CWH43: variants seen among roughly 807,000 people sequenced by gnomAD.
CWH43 encodes cell wall biogenesis 43 C-terminal homolog.
In CWH43, 91 loss-of-function variants were observed where a neutral mutation model predicts 85.7. That is an observed-to-expected ratio of 1.06 (90% CI 0.90 to 1.26). CWH43 has a LOEUF of 1.26. CWH43 is among the 50% of genes most tolerant of loss of function. The probability of loss-of-function intolerance (pLI) is 0.00; values close to 1 mark genes in which losing one functional copy is unlikely to be tolerated. For missense variants in CWH43, 869 were observed against 839.2 expected, an observed-to-expected ratio of 1.04 and a Z score of -0.44; for synonymous variants, 323 against 293.6, an observed-to-expected ratio of 1.10 and a Z score of -1.02.
chr4:49,001,597 A>C (rs2109757749), intron 6 of CWH43, among the ~76,000 whole-genome samples: 2 of 152,224 alleles, frequency 1.3e-5, no homozygotes, highest in East Asian at 3.9e-4. Flanking sequence ...CACTAAGGGG[A>C]ACAAATGGGT....
chr4:49,023,054 T>C (rs1783800956), intron 9 of CWH43, among the ~76,000 whole-genome samples: 1 of 152,196 alleles, frequency 6.6e-6, no homozygotes, highest in Non-Finnish European at 1.5e-5. Context: ...CTCTGATTTT[T>C]ATTATTTCTT....
chr4:49,020,416 C>CACACACACACACACACACACACACACAT (rs140534523), intron 9 of CWH43, among the ~76,000 whole-genome samples: 1 of 128,340 alleles, frequency 7.8e-6, no homozygotes, highest in Non-Finnish European at 1.7e-5. Context: ...CACACACACA[C>CACACACACACACACACACACACACACAT]ATATATATAT....
chr4:49,044,123 A>G (rs1577704726), intron 13 of CWH43, among the ~76,000 whole-genome samples: 1 of 152,304 alleles, frequency 6.6e-6, no homozygotes, highest in African/African-American at 2.4e-5. Context: ...TTCAGAATAA[A>G]CACCTCATAT....
At chr4:48,990,468 C>G (rs1455176950) in intron 2 of CWH43, among the ~76,000 whole-genome samples, 1 of 152,118 alleles carries the variant, frequency 6.6e-6, no homozygotes, top group African/African-American at 2.4e-5. Flanking sequence ...CTGAGATATT[C>G]TTATATAAAT....
At chr4:49,051,484 T>A (rs2109841186) in intron 15 of CWH43, among the ~76,000 whole-genome samples, 1 of 152,338 alleles carries the variant, frequency 6.6e-6, no homozygotes, top group Admixed American at 6.5e-5. Context: ...ATTTAAAAAA[T>A]TATTTCCAGG....
Position 48,998,136 on chromosome 4 carries a change from G to C in CWH43, c.714-324G>C, listed in dbSNP as rs112981164. 1.6e-3 allele frequency among the ~76,000 whole-genome samples: 246 copies of C among 152,306 alleles called. 4 individuals are homozygous for C. The highest frequency in any genetic ancestry group is 5.6e-3 in the African/African-American group (233 of 41,578). On this transcript the variant is annotated intron_variant, in intron 5 of 15. Transcript: ENST00000226432. ...CAAACTAAATAGAAACCATTCCAAT[G>C]ACCTTTGCTTTTTGTTCTTGGCAGA... is the stretch of plus-strand genomic sequence containing the variant.
Position 49,017,307 on chromosome 4 carries a change from T to C in CWH43, c.1245T>C (p.Tyr415=), listed in dbSNP as rs990549319. 6 of 1,611,712 alleles carry C rather than the reference T, an allele frequency of 3.7e-6. No individual in the cohort carries two copies. Among genetic ancestry groups the C allele is most frequent in the Non-Finnish European group, 5.1e-6 (6 of 1,178,522 alleles). Residue 415 remains tyrosine, a synonymous_variant, in exon 9 of 16, where the codon TAT becomes TAC. Coordinates refer to ENST00000226432, the MANE Select transcript of CWH43 (RefSeq NM_025087.3). The stretch of plus-strand genomic sequence containing the variant: ...GATTAGGACTACGGCATAAAGCCTA[T>C]GAGAGAAAACTGGGCAAAGTGGTAA... ...LLGLGLRHKA[Y]ERKLGKVAPT...
chr4:48,988,650 C>T lies in CWH43; in HGVS notation c.217C>T (p.Leu73=). ...LVNKKWMLTL[L]RIITIGSIAS... ...TAACAAGAAGTGGATGCTAACCCTG[C>T]TGAGGATAATCACTATTGGTAAGAT... The change falls in exon 2 of 16, where the codon CTG becomes TTG. Residue 73 remains leucine, a synonymous_variant. Transcript: ENST00000226432. 2 of 1,604,962 alleles carry T rather than the reference C, an allele frequency of 1.2e-6. No homozygotes were observed. Among genetic ancestry groups the T allele is most frequent in the Non-Finnish European group, 1.7e-6 (2 of 1,175,882 alleles).
At chr4:48,986,690 C>G (rs1782505932) in intron 1 of CWH43, 1 of 1,341,154 alleles carries the variant, frequency 7.5e-7, no homozygotes, top group African/African-American at 1.5e-5. Context: ...TGCGAGGCGC[C>G]CGCGAGAGAC....
chr4:49,026,276 A>G (rs1458181444), intron 9 of CWH43, among the ~76,000 whole-genome samples: 1 of 152,200 alleles, frequency 6.6e-6, no homozygotes, highest in Non-Finnish European at 1.5e-5. Flanking sequence ...CCAGGCTACA[A>G]GCCTCCCAGC....
intron 8 of CWH43, among the ~76,000 whole-genome samples, chr4:49,013,388 A>G (rs185097389): frequency 2.0e-4 from 31 of 152,334 alleles, no homozygotes; most frequent in African/African-American, 7.0e-4. Flanking sequence ...TTTTCCAGGT[A>G]CAGTCTGTCA....
intron 13 of CWH43, 133 bp from the exon 14 acceptor site, chr4:49,044,653 A>G (rs1263574041): frequency 6.3e-6 from 4 of 630,374 alleles, no homozygotes; most frequent in Non-Finnish European, 1.1e-5. Context: ...ACCAAAAAAG[A>G]TCAGTAGGAG....
intron 8 of CWH43, among the ~76,000 whole-genome samples, chr4:49,015,848 T>G (rs1471217285): frequency 1.3e-5 from 2 of 152,194 alleles, no homozygotes; most frequent in Non-Finnish European, 2.9e-5. Flanking sequence ...AGAACTCTAT[T>G]TGATTTCTTT....
At chr4:49,000,294 A>G (rs1298937358) in intron 6 of CWH43, among the ~76,000 whole-genome samples, 3 of 152,182 alleles carry the variant, frequency 2.0e-5, no homozygotes, top group African/African-American at 7.2e-5. Context: ...TAATCCAGAT[A>G]CGTGGCTAAA....
chr4:49,006,167 G>T (rs555370919), intron 7 of CWH43, among the ~76,000 whole-genome samples: 10 of 151,994 alleles, frequency 6.6e-5, no homozygotes, highest in African/African-American at 2.2e-4. Flanking sequence ...ATACCAGCTT[G>T]CTTAGGGATC....
intron 6 of CWH43, among the ~76,000 whole-genome samples, chr4:49,002,458 C>T (rs1345679868): frequency 6.6e-6 from 1 of 152,114 alleles, no homozygotes; most frequent in Non-Finnish European, 1.5e-5. Flanking sequence ...ATATGTGGTA[C>T]AATTCCATTT....
intron 13 of CWH43, 128 bp from the exon 14 acceptor site, chr4:49,044,658 T>C (rs533259984): frequency 1.5e-6 from 1 of 659,022 alleles, no homozygotes; most frequent in Admixed American, 2.8e-5. Context: ...AAAAGATCAG[T>C]AGGAGCCAGG....
chr4:49,036,317 T>C (rs1784261385), intron 12 of CWH43, among the ~76,000 whole-genome samples: 1 of 152,192 alleles, frequency 6.6e-6, no homozygotes, highest in Admixed American at 6.6e-5. Context: ...AGGATGAATG[T>C]GGGCTGGGGA....
chr4:49,025,507 T>G (rs1202924651), intron 9 of CWH43, among the ~76,000 whole-genome samples: 1 of 152,200 alleles, frequency 6.6e-6, no homozygotes, highest in East Asian at 1.9e-4. Flanking sequence ...GATCTGGGAC[T>G]CAAGTGCTGC....
Sources: gnomAD v4.1 joint callset for allele counts (sites outside exome capture counted in the v4.1 genomes callset) on GRCh38, gnomAD v4.1.1 for gene constraint, MANE v1.5 for transcripts, NCBI Gene and HGNC (gene_info 2026-07-23, HGNC 2026-07-21) for gene names.